ENO4: variants seen among roughly 807,000 people sequenced by gnomAD.
ENO4 encodes enolase 4, also known as 2-phospho-D-glycerate hydro-lyase.
Under a neutral mutation model 63.2 loss-of-function variants are expected in ENO4, and 53 were observed. The observed-to-expected ratio is 0.84, with a 90% CI of 0.67 to 1.05. The LOEUF (loss-of-function observed/expected upper bound fraction) is 1.05. Among genes scored for constraint, ENO4 ranks in the 50% least tolerant of loss-of-function variants. The pLI is 0.00. For synonymous variants in ENO4, 266 were observed against 283.8 expected (o/e 0.94, Z 0.63); for missense variants, 719 against 772.0 (o/e 0.93, Z 0.81).
chr10:116,859,450 A>G (rs1846351101), intron 4 of ENO4, among the ~76,000 whole-genome samples: 1 of 152,180 alleles, frequency 6.6e-6, no homozygotes, highest in Non-Finnish European at 1.5e-5. Context: ...CCTCCTTTCA[A>G]AATTTCCATT....
chr10:116,873,835 C>T, intron 9 of ENO4: 2 of 983,100 alleles, frequency 2.0e-6, no homozygotes, highest in Non-Finnish European at 2.4e-6. Context: ...TAGGAAGCTG[C>T]ATCTGAAGTC....
intron 3 of ENO4, among the ~76,000 whole-genome samples, chr10:116,856,988 CAAAA>C (rs66621882): frequency 3.3e-5 from 4 of 120,132 alleles, no homozygotes; most frequent in Non-Finnish European, 1.9e-5. Flanking sequence ...GACTCTGTAT[CAAAA>C]AAAAAAAAAA....
Position 116,860,832 on chromosome 10 carries a change from G to C in ENO4, c.673G>C (p.Ala225Pro). ...DTITEKPIAP[A>P]EPVEPVLSGS... ...TATTACAGAGAAACCTATTGCGCCTGCAGAGCCTGTTGAGCCTGTACTCAG... is the reference window on the plus strand; with the variant it reads ...TATTACAGAGAAACCTATTGCGCCTCCAGAGCCTGTTGAGCCTGTACTCAG... The change falls in exon 5 of 14, where the codon GCA (alanine) becomes CCA (proline). Residue 225 changes from alanine to proline, a missense_variant. Ala to Pro is a conservative substitution (Grantham distance 27). Transcript: ENST00000341276. 6.5e-7 allele frequency: 1 copy of C among 1,542,052 alleles called. No individual in the cohort carries two copies. Among genetic ancestry groups the C allele is most frequent in the Non-Finnish European group, 8.8e-7 (1 of 1,141,290 alleles).
chr10:116,870,797 G>A (rs778840766), intron 8 of ENO4, among the ~76,000 whole-genome samples: 2 of 152,104 alleles, frequency 1.3e-5, no homozygotes, highest in Non-Finnish European at 2.9e-5. Context: ...GGGAGGGCCT[G>A]GAGATTCACC....
At chr10:116,856,398 G>A in intron 2 of ENO4, 94 bp from the exon 3 acceptor site, 1 of 1,001,086 alleles carries the variant, frequency 1.0e-6, no homozygotes. Flanking sequence ...GAAATTGGTG[G>A]TAAAATTTCA....
At chr10:116,871,337 A>G in intron 9 of ENO4, 45 bp downstream of exon 9, 1 of 1,464,020 alleles carries the variant, frequency 6.8e-7, no homozygotes, top group Non-Finnish European at 9.2e-7. Context: ...GAGATCCATG[A>G]TTTTTAAATT....
chr10:116,886,067 T>C (rs569698155), downstream of ENO4: 2 of 416,958 alleles, frequency 4.8e-6, no homozygotes, highest in Admixed American at 8.1e-5. Context: ...TGAATTTTTT[T>C]GTAACCTTCT....
chr10:116,862,702 C>G, intron 6 of ENO4, 97 bp from the exon 7 acceptor site: 1 of 829,970 alleles, frequency 1.2e-6, no homozygotes, highest in African/African-American at 1.7e-5. Context: ...AGGGACTCTA[C>G]AAATACTCTG....
At position 116,856,498 on chromosome 10, in the gene ENO4, T is replaced by G; in HGVS notation, c.301T>G (p.Cys101Gly). The G allele has an allele frequency of 2.0e-6, 3 of 1,535,488 alleles. No homozygotes were observed. The highest frequency in any genetic ancestry group is 2.6e-6 in the Non-Finnish European group (3 of 1,146,478). The change falls in exon 3 of 14, where the codon TGT (cysteine) becomes GGT (glycine). Residue 101 changes from cysteine (C) to glycine (G), a missense_variant. Physicochemically the swap from Cys to Gly is radical, Grantham distance 159. Around this residue, in one of 3 missense-constraint regions of ENO4, gnomAD observed 544 missense variants for 583.6 expected, o/e 0.93. Transcript: ENST00000341276. The part of the protein sequence containing the change: ...CTIQNFPKNV[C>G]SVVISTHFEV... ...ACATTTATATGATTTTCAGAACGTA[T>G]GTTCTGTGGTGATCTCGACTCATTT...
In ENO4 at chr10:116,879,933, A is replaced by C. The variant is rs568825995; in HGVS notation, c.1670A>C (p.Lys557Thr). 4 of 1,550,854 alleles carry C rather than the reference A, an allele frequency of 2.6e-6. No individual in the cohort carries two copies. Among genetic ancestry groups the C allele is most frequent in the East Asian group, 2.4e-5 (1 of 40,906 alleles). ...GGLSRGERVT[K>T]YNRLLTIEEE... ...CTTTCCCGTGGTGAACGAGTGACTA[A>C]ATACAACCGCCTTCTCACTATAGAG... is the stretch of plus-strand genomic sequence containing the variant. The change falls in exon 13 of 14, where the codon AAA becomes ACA. Residue 557 changes from lysine (K) to threonine (T), a missense_variant. By Grantham distance (78) the Lys-to-Thr change is moderately conservative. Coordinates refer to ENST00000341276, the MANE Select transcript of ENO4 (RefSeq NM_001242699.2).
chr10:116,876,913 T>C (rs749030240), intron 11 of ENO4, among the ~76,000 whole-genome samples: 3 of 152,076 alleles, frequency 2.0e-5, no homozygotes, highest in Non-Finnish European at 4.4e-5. Flanking sequence ...ATCGCGCCAC[T>C]GCACTCCAGC....
At chr10:116,890,463 T>C (rs1375834791) in intron 10 of ENO4, among the ~76,000 whole-genome samples, 1 of 152,204 alleles carries the variant, frequency 6.6e-6, no homozygotes, top group East Asian at 1.9e-4. Flanking sequence ...ACTAAACTAG[T>C]GGAATCCTGA....
rs1363679713 is a variant in ENO4 at position 116,850,026 on chromosome 10, G to C, written c.165+295G>C. 36 of 568,756 alleles carry C rather than the reference G, an allele frequency of 6.3e-5. 1 individual carries two copies. The South Asian group carries it at 6.6e-4, about 10-fold the overall frequency. The allele number at this position is 568,756 out of a possible 1,614,324, so 35.2% of individuals were successfully genotyped here. ...GCTGGCAGGCTTCCTCGCTGCCTAA[G>C]AGGCCTCTCCGTTTGTGGGCCGGCC... On this transcript the variant is annotated intron_variant, in intron 1 of 13. Coordinates refer to ENST00000341276, the MANE Select transcript of ENO4 (RefSeq NM_001242699.2).
intron 10 of ENO4, among the ~76,000 whole-genome samples, chr10:116,891,506 C>G: frequency 6.6e-6 from 1 of 152,142 alleles, no homozygotes; most frequent in East Asian, 1.9e-4. Context: ...CCTTCAAGGA[C>G]AGAAAACAGA....
At chr10:116,900,822 T>A in intron 10 of ENO4, 1 of 985,212 alleles carries the variant, frequency 1.0e-6, no homozygotes, top group Non-Finnish European at 1.2e-6. Flanking sequence ...TAGATAAAAC[T>A]GTAAATCAGC....
chr10:116,873,537 A>G (rs1186239322), intron 9 of ENO4, among the ~76,000 whole-genome samples: 1 of 152,228 alleles, frequency 6.6e-6, no homozygotes, highest in Non-Finnish European at 1.5e-5. Flanking sequence ...TTACTACTAG[A>G]AAGTACATGC....
intron 12 of ENO4, 122 bp from the exon 13 acceptor site, chr10:116,879,747 A>G: frequency 1.3e-6 from 1 of 762,538 alleles, no homozygotes; most frequent in South Asian, 1.9e-5. Context: ...TAAAGATAAA[A>G]AACTAGTAAG....
chr10:116,849,727 AC>A lies in ENO4; in HGVS notation c.163del (p.Leu55TrpfsTer17). The A allele has an allele frequency of 6.6e-7, 1 of 1,519,766 alleles. No homozygotes were observed. Among genetic ancestry groups the A allele is most frequent in the Non-Finnish European group, 8.8e-7 (1 of 1,131,500 alleles). The allele number at this position is 1,519,766 out of a possible 1,614,324, so 94.1% of individuals were successfully genotyped here. A position where few individuals can be genotyped will look rare whatever the true frequency, so the allele number is the denominator to read the frequency against. On this transcript the variant is annotated frameshift_variant, in exon 1 of 14. Transcript: ENST00000341276. LOFTEE classifies it high-confidence loss of function. Reference protein sequence around the residue: ...FYLQPADVYGHLANCFSKLAK... With the variant: ...FYLQPADVYGXLANCFSKLAK... ...CTCCAGCCTGCCGACGTCTACGGGC[AC>A]CTGGTAGGGACCTGGGACAAGCGCT... is the stretch of plus-strand genomic sequence containing the variant.
chr10:116,860,777 A>G lies in ENO4; in HGVS notation c.635-17A>G, dbSNP rs1846387692. 7.0e-7 allele frequency: 1 copy of G among 1,428,150 alleles called. No homozygotes were observed. The highest frequency in any genetic ancestry group is 1.4e-5 in the African/African-American group (1 of 70,286). 88.5% of individuals were successfully genotyped at this position (1,428,150 alleles called of 1,614,324 possible). ...CATTTAGAAATACAGTCTTACTCTC[A>G]ATATTTCTCCCTCCAGGGAGGAAGG... On this transcript the variant is annotated splice_polypyrimidine_tract_variant and intron_variant, in intron 4 of 13. Coordinates refer to ENST00000341276, the MANE Select transcript of ENO4 (RefSeq NM_001242699.2).
Sources: gnomAD v4.1 joint callset for allele counts (sites outside exome capture counted in the v4.1 genomes callset) on GRCh38, gnomAD v4.1.1 for gene constraint, gnomAD v4.1.1 regional missense constraint, MANE v1.5 for transcripts, NCBI Gene and HGNC (gene_info 2026-07-23, HGNC 2026-07-21) for gene names.